Variants in NEBL observed in about 807,000 individuals in gnomAD.
NEBL encodes the protein nebulette, also known as LIM and SH3 protein 2.
A neutral mutation model predicts 140.2 loss-of-function variants in NEBL; 122 were observed. That is an observed-to-expected ratio of 0.87 (90% CI 0.75 to 1.01). NEBL has a LOEUF of 1.01. Among genes scored for constraint, NEBL ranks in the 50% least tolerant of loss-of-function variants. The pLI is 0.00. For missense variants in NEBL, 1,365 were observed against 1,231.3 expected (o/e 1.11, Z -1.62); for synonymous variants, 436 against 398.9 (o/e 1.09, Z -1.11).
intron 26 of NEBL, chr10:20,793,334 G>C: frequency 1.0e-6 from 1 of 970,776 alleles, no homozygotes; most frequent in Non-Finnish European, 1.2e-6. Flanking sequence ...AGTCATTACT[G>C]TTTTATATGT....
intron 2 of NEBL, among the ~76,000 whole-genome samples, chr10:21,063,950 G>A (rs1479098318): frequency 2.6e-5 from 4 of 151,216 alleles, no homozygotes; most frequent in Non-Finnish European, 5.9e-5. Flanking sequence ...CATGTGCCTG[G>A]GTTCCTAGCT....
chr10:21,198,228 C>T (rs992252833), intron 3 of NEBL, among the ~76,000 whole-genome samples: 3 of 152,152 alleles, frequency 2.0e-5, no homozygotes, highest in Non-Finnish European at 2.9e-5. Context: ...GCTAGGTCAC[C>T]TTGTCCTCTT....
Position 20,850,448 on chromosome 10 carries a change from C to A in NEBL, c.1063G>T (p.Val355Phe), listed in dbSNP as rs775390576. 4.3e-6 allele frequency: 7 copies of A among 1,612,526 alleles called. 1 individual carries two copies. The South Asian group carries it at 7.7e-5, about 18-fold the overall frequency. Residue 355 changes from valine (V) to phenylalanine (F), a missense_variant, in exon 11 of 28, where the codon GTT (valine) becomes TTT (phenylalanine). By Grantham distance (50) the Val-to-Phe change is conservative (BLOSUM62 -1). Around this residue, in one of 2 missense-constraint regions of NEBL, gnomAD observed 1,323 missense variants for 1,154.8 expected, o/e 1.15. Coordinates refer to ENST00000377122, the MANE Select transcript of NEBL (RefSeq NM_006393.3). ...GAAGCTTGATATGATGGTGTCTCAA[C>A]AAATTCAAGCATTGGCTTTCCCTTA... Reference protein sequence around the residue: ...KNKGKPMLEFVETPSYQASKE... With the variant: ...KNKGKPMLEFFETPSYQASKE...
At chr10:21,088,985 G>T (rs536439896) in intron 2 of NEBL, among the ~76,000 whole-genome samples, 1 of 152,314 alleles carries the variant, frequency 6.6e-6, no homozygotes, top group South Asian at 2.1e-4. Flanking sequence ...TGAAGCTCTA[G>T]AGGGGAGATG....
intron 3 of NEBL, among the ~76,000 whole-genome samples, chr10:21,013,236 C>G (rs1490660224): frequency 6.6e-6 from 1 of 152,180 alleles, no homozygotes; most frequent in Admixed American, 6.5e-5. Flanking sequence ...AGTTCTCATT[C>G]ACATTCACCC....
intron 2 of NEBL, among the ~76,000 whole-genome samples, chr10:21,077,841 C>G (rs1422798752): frequency 2.0e-5 from 3 of 152,038 alleles, no homozygotes; most frequent in Non-Finnish European, 4.4e-5. Flanking sequence ...TTGTCAGGCA[C>G]AGCAGAACTG....
intron 2 of NEBL, among the ~76,000 whole-genome samples, chr10:21,145,814 G>A (rs563251862): frequency 5.9e-5 from 9 of 152,144 alleles, no homozygotes; most frequent in Admixed American, 1.3e-4. Flanking sequence ...CAAGGGCTCC[G>A]GCAGCTGGAG....
intron 2 of NEBL, among the ~76,000 whole-genome samples, chr10:21,103,164 T>C (rs1343539407): frequency 6.6e-6 from 1 of 152,064 alleles, no homozygotes; most frequent in African/African-American, 2.4e-5. Flanking sequence ...AAATAAAATG[T>C]ATGTACAGGA....
chr10:20,810,026 T>C (rs1837986685), intron 24 of NEBL, 128 bp from the exon 25 acceptor site: 2 of 689,786 alleles, frequency 2.9e-6, no homozygotes, highest in Non-Finnish European at 2.5e-6. Context: ...GAAGCAAACA[T>C]GTAACAGACA....
At chr10:21,175,501 C>CA (rs989607135), upstream of NEBL, among the ~76,000 whole-genome samples, 68 of 152,224 alleles carry the variant, frequency 4.5e-4, no homozygotes, top group African/African-American at 1.4e-3. Flanking sequence ...TCTGTCATTT[C>CA]AAAAAAATAT....
intron 2 of NEBL, among the ~76,000 whole-genome samples, chr10:21,248,773 C>T (rs1842550829): frequency 6.6e-6 from 1 of 151,984 alleles, no homozygotes; most frequent in African/African-American, 2.4e-5. Context: ...CACCATTTTG[C>T]CTTTGCACCA....
At chr10:20,959,501 T>C (rs1348417113) in intron 4 of NEBL, among the ~76,000 whole-genome samples, 1 of 152,134 alleles carries the variant, frequency 6.6e-6, no homozygotes, top group Non-Finnish European at 1.5e-5. Context: ...ACTTTTTGGA[T>C]CAACCCAAGT....
intron 4 of NEBL, among the ~76,000 whole-genome samples, chr10:20,885,057 G>T (rs1240530137): frequency 1.3e-5 from 2 of 149,200 alleles, no homozygotes; most frequent in African/African-American, 2.5e-5. Context: ...TTTGCAAATT[G>T]ACTTTAAGAT....
chr10:20,908,595 G>A (rs1848198214), intron 4 of NEBL, among the ~76,000 whole-genome samples: 1 of 152,100 alleles, frequency 6.6e-6, no homozygotes, highest in African/African-American at 2.4e-5. Context: ...GCTGGCAAAT[G>A]TTTAACAATC....
intron 2 of NEBL, among the ~76,000 whole-genome samples, chr10:21,083,437 A>G (rs1836478612): frequency 6.6e-6 from 1 of 152,158 alleles, no homozygotes; most frequent in African/African-American, 2.4e-5. Flanking sequence ...TACACTGAGA[A>G]CCAAAAGAGC....
intron 2 of NEBL, among the ~76,000 whole-genome samples, chr10:21,140,597 T>G (rs151326720): frequency 1.3e-5 from 2 of 152,346 alleles, no homozygotes; most frequent in African/African-American, 4.8e-5. Flanking sequence ...TCTTATTTCC[T>G]ACTCTACTTT....
intron 2 of NEBL, among the ~76,000 whole-genome samples, chr10:21,159,430 T>C (rs1038676562): frequency 6.6e-6 from 1 of 152,174 alleles, no homozygotes; most frequent in African/African-American, 2.4e-5. Flanking sequence ...ACTCCTTCTT[T>C]TGCTCTCCTG....
intron 3 of NEBL, among the ~76,000 whole-genome samples, chr10:21,223,666 T>A (rs1170430573): frequency 2.6e-5 from 4 of 152,158 alleles, no homozygotes; most frequent in African/African-American, 7.2e-5. Flanking sequence ...TTCCCACCAA[T>A]AGTGTATGAG....
chr10:21,033,850 A>G (rs940935945), intron 2 of NEBL, among the ~76,000 whole-genome samples: 1 of 152,052 alleles, frequency 6.6e-6, no homozygotes, highest in Admixed American at 6.6e-5. Context: ...ATAAAACTAC[A>G]TCTTCAAATA....
Sources: gnomAD v4.1 joint callset for allele counts (sites outside exome capture counted in the v4.1 genomes callset) on GRCh38, gnomAD v4.1.1 for gene constraint, gnomAD v4.1.1 regional missense constraint, MANE v1.5 for transcripts, NCBI Gene and HGNC (gene_info 2026-07-23, HGNC 2026-07-21) for gene names.